The following SGCD variants were observed in gnomAD, a reference collection of about 807,000 sequenced individuals.
The protein encoded by SGCD is delta-sarcoglycan.
In SGCD, 18 loss-of-function variants were observed where a neutral mutation model predicts 36.6. The observed-to-expected ratio is 0.49, with a 90% CI of 0.34 to 0.73. The LOEUF (loss-of-function observed/expected upper bound fraction) is 0.73, where lower values mean the gene tolerates loss of function less well. Among genes scored for constraint, SGCD ranks in the 30% least tolerant of loss-of-function variants. The probability of loss-of-function intolerance (pLI) is 0.01; values close to 1 mark genes in which losing one functional copy is unlikely to be tolerated. For missense variants in SGCD, 387 were observed against 346.7 expected (o/e 1.12, Z -0.92); for synonymous variants, 133 against 130.6 (o/e 1.02, Z -0.12).
chr5:156,609,285 A>C (rs563516098), intron 6 of SGCD, among the ~76,000 whole-genome samples: 98 of 152,098 alleles, frequency 6.4e-4, no homozygotes, highest in African/African-American at 2.3e-3. Context: ...AAAGTATTTT[A>C]TTTCTCCTTC....
At chr5:156,182,364 G>A (rs1030851967) in intron 3 of SGCD, among the ~76,000 whole-genome samples, 1 of 152,224 alleles carries the variant, frequency 6.6e-6, no homozygotes, top group Admixed American at 6.5e-5. Flanking sequence ...GCCAAGGTGG[G>A]TGGATCACTT....
chr5:156,090,275 C>T (rs1761208542), intron 1 of SGCD, among the ~76,000 whole-genome samples: 1 of 152,154 alleles, frequency 6.6e-6, no homozygotes, highest in Non-Finnish European at 1.5e-5. Flanking sequence ...TCGGGAGAAC[C>T]AGCCTCCAAT....
chr5:155,800,105 T>C, the SGCD span, among the ~76,000 whole-genome samples: 13,267 of 152,080 alleles, frequency 0.087, 1,227 homozygotes, highest in African/African-American at 0.24. Context: ...AGGCATGATC[T>C]ACCACGCCCA....
intron 3 of SGCD, among the ~76,000 whole-genome samples, chr5:156,301,359 C>G (rs954570412): frequency 6.6e-6 from 1 of 151,992 alleles, no homozygotes; most frequent in Non-Finnish European, 1.5e-5. Context: ...TAAAAAGAAA[C>G]AAACTAACAA....
chr5:156,456,773 T>C (rs1754281934), intron 3 of SGCD, among the ~76,000 whole-genome samples: 1 of 152,216 alleles, frequency 6.6e-6, no homozygotes, highest in Admixed American at 6.5e-5. Flanking sequence ...ATTTCCATTG[T>C]TTTAAGGCCA....
chr5:156,648,874 T>G (rs1238634959), intron 7 of SGCD, among the ~76,000 whole-genome samples: 1 of 152,140 alleles, frequency 6.6e-6, no homozygotes, highest in Non-Finnish European at 1.5e-5. Context: ...TGAACCTTCG[T>G]GTCTGTGATG....
chr5:156,086,019 GTGTT>G (rs1275583711), intron 1 of SGCD, among the ~76,000 whole-genome samples: 1 of 152,154 alleles, frequency 6.6e-6, no homozygotes, highest in Non-Finnish European at 1.5e-5. Context: ...TACTTATACT[GTGTT>G]TGGGTGTATC....
At chr5:156,590,883 G>C (rs534744334) in intron 5 of SGCD, among the ~76,000 whole-genome samples, 3 of 142,726 alleles carry the variant, frequency 2.1e-5, no homozygotes, top group Non-Finnish European at 4.5e-5. Context: ...CTCTCTTCTC[G>C]TCTCTCTTCT....
intron 1 of SGCD, among the ~76,000 whole-genome samples, chr5:155,902,546 A>G (rs1561644265): frequency 6.6e-6 from 1 of 152,188 alleles, no homozygotes; most frequent in South Asian, 2.1e-4. Flanking sequence ...TAACATTAAA[A>G]TATCATTCTT....
chr5:156,146,068 C>T (rs1481589426), intron 3 of SGCD, among the ~76,000 whole-genome samples: 1 of 152,062 alleles, frequency 6.6e-6, no homozygotes, highest in Non-Finnish European at 1.5e-5. Context: ...AAAAAATTAG[C>T]TGGGCGTAGT....
chr5:156,513,884 T>C (rs1757044233), intron 4 of SGCD, among the ~76,000 whole-genome samples: 1 of 152,218 alleles, frequency 6.6e-6, no homozygotes. Flanking sequence ...TAAAGTATCA[T>C]GCTGTCCAGA....
At chr5:156,213,313 A>C (rs1015410799) in intron 3 of SGCD, among the ~76,000 whole-genome samples, 1 of 152,028 alleles carries the variant, frequency 6.6e-6, no homozygotes, top group Admixed American at 6.5e-5. Flanking sequence ...AAGTGAGACC[A>C]CAATAGCATG....
intron 1 of SGCD, among the ~76,000 whole-genome samples, chr5:155,940,884 C>A (rs983208508): frequency 2.8e-4 from 43 of 151,596 alleles, no homozygotes; most frequent in African/African-American, 1.0e-3. Flanking sequence ...ACAAAAAAAA[C>A]ATTAACTAGT....
chr5:156,295,052 T>C (rs1261763177), intron 3 of SGCD, among the ~76,000 whole-genome samples: 1 of 152,174 alleles, frequency 6.6e-6, no homozygotes, highest in Non-Finnish European at 1.5e-5. Context: ...AAAGGATTGC[T>C]ATTAATTCTT....
chr5:156,521,207 G>C (rs1391513058), intron 4 of SGCD, among the ~76,000 whole-genome samples: 6 of 151,894 alleles, frequency 4.0e-5, no homozygotes, highest in Non-Finnish European at 8.8e-5. Flanking sequence ...TCAACTTAAG[G>C]TGGATTAAAG....
intron 7 of SGCD, among the ~76,000 whole-genome samples, chr5:156,703,012 C>T (rs1001953166): frequency 6.6e-6 from 1 of 152,222 alleles, no homozygotes; most frequent in African/African-American, 2.4e-5. Flanking sequence ...ATATAAGCCA[C>T]TGCATTTTTA....
chr5:155,973,421 ACTT>A (rs1328428194), intron 1 of SGCD, among the ~76,000 whole-genome samples: 1 of 152,218 alleles, frequency 6.6e-6, no homozygotes, highest in East Asian at 1.9e-4. Context: ...ACAAGTGTTA[ACTT>A]CTTAGAAAGT....
the SGCD span, among the ~76,000 whole-genome samples, chr5:155,767,172 A>G: frequency 3.3e-5 from 5 of 152,224 alleles, no homozygotes; most frequent in African/African-American, 1.2e-4. Context: ...CCTAACTATC[A>G]GCAGCTCCAT....
rs956204992 is a variant in SGCD at position 156,759,779 on chromosome 5, T to G, written c.*389T>G. ...ACTGACAGAATCTTCATCTAGATAT[T>G]CGAGTAGCAGCATATCTTCTCTTTT... On this transcript the variant is annotated 3_prime_UTR_variant, in exon 9 of 9. Coordinates refer to ENST00000337851, the MANE Select transcript of SGCD (RefSeq NM_000337.6). The G allele has an allele frequency of 3.9e-5, 6 of 152,148 alleles. No homozygotes were observed. Among genetic ancestry groups the G allele is most frequent in the Non-Finnish European group, 7.3e-5 (5 of 68,052 alleles). 9.4% of individuals were successfully genotyped at this position (152,148 alleles called of 1,614,324 possible).
Sources: allele counts gnomAD v4.1 joint callset (sites outside exome capture counted in the v4.1 genomes callset), GRCh38; gene constraint gnomAD v4.1.1; transcripts MANE v1.5; gene names NCBI Gene and HGNC (gene_info 2026-07-23, HGNC 2026-07-21).